Variants in FARS2 observed in about 807,000 individuals in gnomAD.
FARS2 encodes the protein phenylalanine--tRNA ligase, mitochondrial.
A neutral mutation model predicts 46.4 loss-of-function variants in FARS2; 40 were observed. That is an observed-to-expected ratio of 0.86 (90% CI 0.67 to 1.12). The LOEUF is 1.12. FARS2 is among the 50% of genes most tolerant of loss of function. FARS2 has a pLI of 0.00. For synonymous variants in FARS2, 234 were observed against 214.9 expected (o/e 1.09, Z -0.78); for missense variants, 513 against 567.9 (o/e 0.90, Z 0.98).
At chr6:5,498,276 ATTT>A (rs1767587486) in intron 4 of FARS2, among the ~76,000 whole-genome samples, 1 of 152,218 alleles carries the variant, frequency 6.6e-6, no homozygotes, top group Non-Finnish European at 1.5e-5. Context: ...AGAGAAGATT[ATTT>A]GAGTGGTAGA....
intron 3 of FARS2, among the ~76,000 whole-genome samples, chr6:5,426,080 T>C (rs1052232951): frequency 6.6e-6 from 1 of 152,100 alleles, no homozygotes; most frequent in Non-Finnish European, 1.5e-5. Flanking sequence ...AATTGAGGTG[T>C]ATAATTTTTG....
intron 1 of FARS2, among the ~76,000 whole-genome samples, chr6:5,334,666 G>A (rs1771034635): frequency 6.6e-6 from 1 of 152,114 alleles, no homozygotes; most frequent in Non-Finnish European, 1.5e-5. Flanking sequence ...TGGAAGATGG[G>A]CATGTATACT....
intron 1 of FARS2, among the ~76,000 whole-genome samples, chr6:5,317,915 G>A (rs1769653183): frequency 6.6e-6 from 1 of 152,080 alleles, no homozygotes; most frequent in African/African-American, 2.4e-5. Context: ...TCTCTGGAGG[G>A]CTTCACTCTT....
At chr6:5,634,205 A>G (rs1198074847) in intron 6 of FARS2, among the ~76,000 whole-genome samples, 1 of 152,208 alleles carries the variant, frequency 6.6e-6, no homozygotes, top group Non-Finnish European at 1.5e-5. Context: ...TTATTTTTCT[A>G]AACAGTTAAC....
At chr6:5,538,596 C>T (rs754502986) in intron 4 of FARS2, among the ~76,000 whole-genome samples, 31 of 152,054 alleles carry the variant, frequency 2.0e-4, no homozygotes, top group African/African-American at 7.2e-4. Flanking sequence ...TCCCAAGATC[C>T]GAAGTCATTT....
At chr6:5,444,187 G>A (rs1260992684) in intron 4 of FARS2, among the ~76,000 whole-genome samples, 1 of 151,792 alleles carries the variant, frequency 6.6e-6, no homozygotes, top group Non-Finnish European at 1.5e-5. Context: ...TTTTAGCGCA[G>A]GCTGGGTGCA....
At chr6:5,441,083 G>A (rs113875544) in intron 4 of FARS2, among the ~76,000 whole-genome samples, 1,584 of 151,954 alleles carry the variant, frequency 0.01, 33 homozygotes, top group African/African-American at 0.036. Context: ...CACCACAACC[G>A]GCTAATTTTT....
chr6:5,602,285 A>G (rs1228525810), intron 5 of FARS2, among the ~76,000 whole-genome samples: 2 of 152,198 alleles, frequency 1.3e-5, no homozygotes, highest in Non-Finnish European at 2.9e-5. Flanking sequence ...GAGAATTATT[A>G]GCTTTCTTGA....
intron 6 of FARS2, among the ~76,000 whole-genome samples, chr6:5,689,088 C>G (rs1757479944): frequency 6.6e-6 from 1 of 152,090 alleles, no homozygotes; most frequent in Non-Finnish European, 1.5e-5. Context: ...TGATTCTTCT[C>G]TCTTTTCTTC....
At chr6:5,507,624 T>C (rs79708282) in intron 4 of FARS2, among the ~76,000 whole-genome samples, 1,549 of 152,266 alleles carry the variant, frequency 0.01, 24 homozygotes, top group African/African-American at 0.034. Flanking sequence ...AGCTGTTCAT[T>C]GTCAATGGTA....
chr6:5,651,045 T>C (rs115842030), intron 6 of FARS2, among the ~76,000 whole-genome samples: 2,084 of 152,314 alleles, frequency 0.014, 55 homozygotes, highest in African/African-American at 0.047. Context: ...CTCAGTTGCC[T>C]CTCAATACAG....
chr6:5,613,149 T>G lies in FARS2; in HGVS notation c.1066-20T>G. 1 of 1,604,972 alleles carries G rather than the reference T, an allele frequency of 6.2e-7. No individual in the cohort carries two copies. The highest frequency in any genetic ancestry group is 2.2e-5 in the East Asian group (1 of 44,532). ...TTCAACTAACAAGTTCATGTATCTT[T>G]TCTCCTCTTGTTTTGTTAGCCTCTT... On this transcript the variant is annotated intron_variant, in intron 5 of 6. Transcript: ENST00000274680.
chr6:5,469,611 T>C (rs1319514605), intron 4 of FARS2, among the ~76,000 whole-genome samples: 1 of 152,200 alleles, frequency 6.6e-6, no homozygotes, highest in Non-Finnish European at 1.5e-5. Context: ...TTAAAGGAAC[T>C]GGGTTTCTGT....
In FARS2 at chr6:5,369,192, G is replaced by A; in HGVS notation, c.612+10G>A. 1 of 1,600,550 alleles carries A rather than the reference G, an allele frequency of 6.2e-7. No homozygotes were observed. Among genetic ancestry groups the A allele is most frequent in the African/African-American group, 1.3e-5 (1 of 74,952 alleles). ...CTTCTCCAAGCATGAGGTGAGTCTTGAGATGTTTCTCATCGCTGAAGGATG... is the reference window on the plus strand; with the variant it reads ...CTTCTCCAAGCATGAGGTGAGTCTTAAGATGTTTCTCATCGCTGAAGGATG... On this transcript the variant is annotated intron_variant, in intron 2 of 6. Transcript: ENST00000274680.
chr6:5,445,410 T>C (rs1303101011), intron 4 of FARS2, among the ~76,000 whole-genome samples: 1 of 152,236 alleles, frequency 6.6e-6, no homozygotes, highest in Non-Finnish European at 1.5e-5. Flanking sequence ...TTATTTTTCT[T>C]ATATCATTTT....
intron 4 of FARS2, among the ~76,000 whole-genome samples, chr6:5,512,246 A>G (rs1768503832): frequency 6.6e-6 from 1 of 152,158 alleles, no homozygotes; most frequent in African/African-American, 2.4e-5. Context: ...CAGGCCACAC[A>G]GCTAATTAGA....
At chr6:5,328,604 G>A (rs1770565044) in intron 1 of FARS2, among the ~76,000 whole-genome samples, 1 of 151,732 alleles carries the variant, frequency 6.6e-6, no homozygotes, top group Non-Finnish European at 1.5e-5. Flanking sequence ...ATCCACTAAG[G>A]CTACATCTTT....
chr6:5,728,879 C>T (rs1006513422), intron 6 of FARS2, among the ~76,000 whole-genome samples: 16 of 152,162 alleles, frequency 1.1e-4, no homozygotes, highest in African/African-American at 3.9e-4. Context: ...CTGCCTGCCC[C>T]GAAACCCTGC....
chr6:5,667,322 A>C (rs1007005843), intron 6 of FARS2, among the ~76,000 whole-genome samples: 1 of 152,096 alleles, frequency 6.6e-6, no homozygotes, highest in African/African-American at 2.4e-5. Context: ...GTTCGAGACC[A>C]GCCTGGCCAA....
Sources: allele counts gnomAD v4.1 joint callset (sites outside exome capture counted in the v4.1 genomes callset), GRCh38; gene constraint gnomAD v4.1.1; transcripts MANE v1.5; gene names NCBI Gene and HGNC (gene_info 2026-07-23, HGNC 2026-07-21).